PTPRT: variants seen among roughly 807,000 people sequenced by gnomAD.
PTPRT encodes receptor-type tyrosine-protein phosphatase T.
A neutral mutation model predicts 176.8 loss-of-function variants in PTPRT; 56 were observed. The observed-to-expected ratio is 0.32, with a 90% confidence interval of 0.26 to 0.40. PTPRT has a LOEUF of 0.40. Ranked by LOEUF, PTPRT falls within the 10% of genes least tolerant of loss-of-function variation. The pLI, the probability that PTPRT is intolerant of heterozygous loss-of-function variation, is 1.00. For synonymous variants in PTPRT, 783 were observed against 739.0 expected (o/e 1.06, Z -0.96); for missense variants, 1,540 against 1,908.2 (o/e 0.81, Z 3.60).
intron 1 of PTPRT, among the ~76,000 whole-genome samples, chr20:43,169,448 A>G (rs1228920945): frequency 1.3e-5 from 2 of 152,188 alleles, no homozygotes; most frequent in Non-Finnish European, 1.5e-5. Flanking sequence ...GCAACTACTG[A>G]GTTGATTGAG....
chr20:43,009,658 G>A (rs908878504), intron 1 of PTPRT, among the ~76,000 whole-genome samples: 4 of 152,300 alleles, frequency 2.6e-5, no homozygotes, highest in African/African-American at 4.8e-5. Flanking sequence ...ATCCCGTGAC[G>A]CGTAGGCAGG....
intron 1 of PTPRT, among the ~76,000 whole-genome samples, chr20:43,113,950 T>C (rs1195078734): frequency 6.6e-6 from 1 of 152,238 alleles, no homozygotes; most frequent in Admixed American, 6.5e-5. Flanking sequence ...ATGGCCTTTA[T>C]GATATGCATT....
chr20:42,600,099 A>T (rs2073749167), intron 7 of PTPRT, among the ~76,000 whole-genome samples: 1 of 151,930 alleles, frequency 6.6e-6, no homozygotes, highest in Non-Finnish European at 1.5e-5. Flanking sequence ...TTTATTTTTT[A>T]AAATTTTACT....
chr20:42,826,507 C>T (rs1164158539), intron 2 of PTPRT, among the ~76,000 whole-genome samples: 1 of 152,020 alleles, frequency 6.6e-6, no homozygotes. Context: ...ACAGAAGAGA[C>T]CAAAACAAAC....
intron 15 of PTPRT, among the ~76,000 whole-genome samples, chr20:42,212,596 G>C (rs951232441): frequency 2.2e-4 from 33 of 152,232 alleles, no homozygotes; most frequent in African/African-American, 6.5e-4. Context: ...CAGACTAGCT[G>C]TGCAAGCTCT....
At chr20:42,301,867 G>A (rs2057473476) in intron 12 of PTPRT, among the ~76,000 whole-genome samples, 1 of 152,026 alleles carries the variant, frequency 6.6e-6, no homozygotes, top group African/African-American at 2.4e-5. Context: ...AAACAAATTT[G>A]ACGATGGGTT....
intron 6 of PTPRT, among the ~76,000 whole-genome samples, chr20:42,686,560 C>T (rs3091578): frequency 0.31 from 45,857 of 146,414 alleles, 7,374 homozygotes; most frequent in African/African-American, 0.36. Context: ...CTCAGCTCAC[C>T]GCAGCCTCCG....
intron 12 of PTPRT, among the ~76,000 whole-genome samples, chr20:42,309,358 C>G (rs1208827605): frequency 2.0e-5 from 3 of 152,204 alleles, no homozygotes; most frequent in Non-Finnish European, 4.4e-5. Context: ...TGCACCCACC[C>G]GCTGTTTAGA....
chr20:42,398,465 T>C (rs2058872825), intron 9 of PTPRT, among the ~76,000 whole-genome samples: 1 of 152,218 alleles, frequency 6.6e-6, no homozygotes, highest in Non-Finnish European at 1.5e-5. Flanking sequence ...ATCTCAAAGA[T>C]GGAGTACTAT....
At chr20:42,296,610 T>C (rs779356857) in intron 12 of PTPRT, among the ~76,000 whole-genome samples, 3 of 152,120 alleles carry the variant, frequency 2.0e-5, no homozygotes, top group Non-Finnish European at 2.9e-5. Flanking sequence ...CATAAAAATA[T>C]ATGGCAGAGT....
intron 26 of PTPRT, among the ~76,000 whole-genome samples, chr20:42,099,032 C>T (rs992197368): frequency 6.6e-6 from 1 of 152,212 alleles, no homozygotes; most frequent in Non-Finnish European, 1.5e-5. Flanking sequence ...GTTGCCCTGG[C>T]AAGGTGGGCA....
At chr20:42,621,134 G>C (rs1204603052) in intron 7 of PTPRT, among the ~76,000 whole-genome samples, 1 of 152,130 alleles carries the variant, frequency 6.6e-6, no homozygotes, top group African/African-American at 2.4e-5. Flanking sequence ...GGGACAAAGA[G>C]CCAAACCATA....
intron 28 of PTPRT, among the ~76,000 whole-genome samples, chr20:42,085,078 C>G (rs1040683603): frequency 4.6e-5 from 7 of 152,166 alleles, no homozygotes; most frequent in Non-Finnish European, 7.3e-5. Context: ...GCTCAGCCTT[C>G]AAAACCCAAT....
intron 1 of PTPRT, among the ~76,000 whole-genome samples, chr20:43,015,407 A>G (rs536601219): frequency 6.6e-6 from 1 of 152,362 alleles, no homozygotes; most frequent in South Asian, 2.1e-4. Context: ...TTGGAGCAAT[A>G]ATAAATCACG....
intron 7 of PTPRT, among the ~76,000 whole-genome samples, chr20:42,548,997 C>A (rs1430785217): frequency 1.3e-5 from 2 of 152,118 alleles, no homozygotes; most frequent in Non-Finnish European, 2.9e-5. Flanking sequence ...TAGAAACTCA[C>A]CTGCAGCTCG....
At chr20:42,981,745 T>TA (rs1983291515) in intron 1 of PTPRT, among the ~76,000 whole-genome samples, 2 of 152,206 alleles carry the variant, frequency 1.3e-5, no homozygotes, top group African/African-American at 4.8e-5. Context: ...GTACACAAAA[T>TA]AAAACGGCTA....
intron 16 of PTPRT, among the ~76,000 whole-genome samples, chr20:42,174,970 A>G (rs1273789142): frequency 6.6e-6 from 1 of 152,188 alleles, no homozygotes; most frequent in Non-Finnish European, 1.5e-5. Flanking sequence ...AGAGGTTAAT[A>G]CAACAGAAGA....
chr20:42,608,009 T>A (rs909966793), intron 7 of PTPRT, among the ~76,000 whole-genome samples: 1 of 152,142 alleles, frequency 6.6e-6, no homozygotes, highest in Non-Finnish European at 1.5e-5. Flanking sequence ...TGCCACCCAA[T>A]CATCTATGCC....
At chr20:42,426,125 C>T (rs570049363) in intron 9 of PTPRT, among the ~76,000 whole-genome samples, 1 of 152,016 alleles carries the variant, frequency 6.6e-6, no homozygotes, top group African/African-American at 2.4e-5. Context: ...CCTGGCAAAA[C>T]CCCCACCCTC....
Sources: allele counts gnomAD v4.1 joint callset (sites outside exome capture counted in the v4.1 genomes callset), GRCh38; gene constraint gnomAD v4.1.1; transcripts MANE v1.5; gene names NCBI Gene and HGNC (gene_info 2026-07-23, HGNC 2026-07-21).